The following MGAT5 variants were observed in gnomAD, a reference collection of about 807,000 sequenced individuals.
MGAT5 encodes alpha-1,6-mannosylglycoprotein 6-beta-N-acetylglucosaminyltransferase.
In MGAT5, 30 loss-of-function variants were observed where a neutral mutation model predicts 94.3. The observed-to-expected ratio is 0.32, with a 90% CI of 0.24 to 0.43. MGAT5 has a LOEUF of 0.43. MGAT5 is among the 20% of genes least tolerant of loss of function. MGAT5 has a pLI of 1.00. For missense variants in MGAT5, 691 were observed against 905.5 expected (o/e 0.76, Z 3.04); for synonymous variants, 310 against 322.9 (o/e 0.96, Z 0.43).
intron 12 of MGAT5, among the ~76,000 whole-genome samples, chr2:134,420,307 A>G (rs1396447509): frequency 6.6e-6 from 1 of 152,208 alleles, no homozygotes; most frequent in South Asian, 2.1e-4. Flanking sequence ...GTGCAGAGAA[A>G]AAAAAATGGA....
Position 134,450,576 on chromosome 2 carries a change from TG to T in MGAT5, c.*1730del, listed in dbSNP as rs2106454864. On this transcript the variant is annotated 3_prime_UTR_variant, in exon 16 of 16. Coordinates refer to ENST00000281923, the MANE Select transcript of MGAT5 (RefSeq NM_002410.5). ...AGATCCCTGCTCAGTGCGTCTCAAT[TG>T]TATCTCCAGTCTAAGAGGAGGGTGG... 1 of 152,158 alleles carries T rather than the reference TG, an allele frequency of 6.6e-6. No individual in the cohort carries two copies. Among genetic ancestry groups the T allele is most frequent in the African/African-American group, 2.4e-5 (1 of 41,460 alleles). The allele number at this position is 152,158 out of a possible 1,614,324, so 9.4% of individuals were successfully genotyped here. A position where few individuals can be genotyped will look rare whatever the true frequency, so the allele number is the denominator to read the frequency against.
intron 1 of MGAT5, among the ~76,000 whole-genome samples, chr2:134,246,004 G>A (rs562259599): frequency 6.6e-6 from 1 of 152,184 alleles, no homozygotes. Context: ...ATGTAAGAGG[G>A]GATGGGCTGT....
chr2:134,399,243 C>G (rs1682894762), intron 10 of MGAT5, among the ~76,000 whole-genome samples: 1 of 152,178 alleles, frequency 6.6e-6, no homozygotes, highest in Non-Finnish European at 1.5e-5. Context: ...TTCTGATTCT[C>G]TAGTTCTGCA....
At chr2:134,430,838 C>T (rs1684839530) in intron 14 of MGAT5, among the ~76,000 whole-genome samples, 1 of 152,170 alleles carries the variant, frequency 6.6e-6, no homozygotes, top group Admixed American at 6.5e-5. Flanking sequence ...GGTCCCCATC[C>T]CTACCCTCAA....
intron 1 of MGAT5, among the ~76,000 whole-genome samples, chr2:134,133,701 G>A (rs188903068): frequency 1.7e-4 from 26 of 152,328 alleles, no homozygotes; most frequent in African/African-American, 5.8e-4. Flanking sequence ...CACCGAATGA[G>A]AGGGGAGGAA....
At chr2:134,189,283 A>G (rs1689199928) in intron 1 of MGAT5, among the ~76,000 whole-genome samples, 1 of 152,186 alleles carries the variant, frequency 6.6e-6, no homozygotes, top group South Asian at 2.1e-4. Flanking sequence ...AGCCTGAGTC[A>G]TCTCATCTTA....
At chr2:134,188,616 T>C (rs1689163056) in intron 1 of MGAT5, among the ~76,000 whole-genome samples, 1 of 152,230 alleles carries the variant, frequency 6.6e-6, no homozygotes, top group East Asian at 1.9e-4. Context: ...TTGTGTTATT[T>C]GGACCTGAGT....
At chr2:134,331,466 G>C (rs12471826) in intron 4 of MGAT5, among the ~76,000 whole-genome samples, 1 of 152,094 alleles carries the variant, frequency 6.6e-6, no homozygotes, top group East Asian at 1.9e-4. Context: ...TGTTGTGTGC[G>C]TGTTGCCGTG....
intron 1 of MGAT5, among the ~76,000 whole-genome samples, chr2:134,159,563 G>A (rs1687636784): frequency 6.6e-6 from 1 of 152,154 alleles, no homozygotes; most frequent in African/African-American, 2.4e-5. Flanking sequence ...ATGAGGCTGG[G>A]CATGGTGGCT....
chr2:134,207,421 T>C (rs1680066556), intron 1 of MGAT5, among the ~76,000 whole-genome samples: 1 of 152,144 alleles, frequency 6.6e-6, no homozygotes, highest in Admixed American at 6.5e-5. Context: ...TAGTTAGGTC[T>C]TTCTCTCCAG....
intron 12 of MGAT5, among the ~76,000 whole-genome samples, chr2:134,413,657 T>A (rs1320888114): frequency 6.6e-6 from 1 of 152,236 alleles, no homozygotes; most frequent in African/African-American, 2.4e-5. Context: ...GTGATCAAGC[T>A]GGGTGTTTCT....
intron 11 of MGAT5, among the ~76,000 whole-genome samples, chr2:134,408,157 T>C (rs1461742235): frequency 6.6e-6 from 1 of 152,014 alleles, no homozygotes; most frequent in African/African-American, 2.4e-5. Flanking sequence ...GGCTGAGGGG[T>C]TGTCCTGGTG....
intron 10 of MGAT5, among the ~76,000 whole-genome samples, chr2:134,382,170 A>T (rs1681669981): frequency 6.6e-6 from 1 of 151,878 alleles, no homozygotes; most frequent in Non-Finnish European, 1.5e-5. Flanking sequence ...CAGGAGGGTC[A>T]CTTGAAGCCA....
In MGAT5 at chr2:134,388,489, T is replaced by G. The variant is rs148274673; in HGVS notation, c.1381-14499T>G. ...CTGAAAATAATTAACAGTAAATTTT[T>G]TAATATTGAAATATACAGGGTTCAG... On this transcript the variant is annotated intron_variant, in intron 10 of 15. Coordinates refer to ENST00000281923, the MANE Select transcript of MGAT5 (RefSeq NM_002410.5). Among the ~76,000 whole-genome samples, 33 of 152,342 alleles carry G rather than the reference T, an allele frequency of 2.2e-4. No individual in the cohort carries two copies. In the East Asian group the frequency reaches 6.0e-3, roughly 28 times the overall value.
chr2:134,342,329 G>C (rs1573863819), intron 7 of MGAT5, among the ~76,000 whole-genome samples: 1 of 152,084 alleles, frequency 6.6e-6, no homozygotes. Flanking sequence ...GGCTGAGCAG[G>C]GACGCTTCCA....
chr2:134,144,160 CA>C (rs1433010473), intron 1 of MGAT5, among the ~76,000 whole-genome samples: 2 of 152,104 alleles, frequency 1.3e-5, no homozygotes, highest in Middle Eastern at 3.2e-3. Context: ...TCTGTTCTTG[CA>C]CTGCTCTAAA....
intron 2 of MGAT5, among the ~76,000 whole-genome samples, chr2:134,306,972 C>G (rs1332507277): frequency 6.6e-6 from 1 of 152,116 alleles, no homozygotes; most frequent in East Asian, 1.9e-4. Flanking sequence ...GTTCCAGGAG[C>G]AGGCCTCTTC....
chr2:134,260,114 G>C (rs1001598253), intron 1 of MGAT5, among the ~76,000 whole-genome samples: 2 of 152,180 alleles, frequency 1.3e-5, no homozygotes, highest in Admixed American at 1.3e-4. Context: ...ACTGTAGCTA[G>C]AACGAAGCAA....
At chr2:134,124,741 A>G (rs1179637570) in intron 1 of MGAT5, among the ~76,000 whole-genome samples, 1 of 152,220 alleles carries the variant, frequency 6.6e-6, no homozygotes, top group African/African-American at 2.4e-5. Flanking sequence ...GTAAGAGTTA[A>G]CTACTGGTGC....
Sources: allele counts gnomAD v4.1 joint callset (sites outside exome capture counted in the v4.1 genomes callset), GRCh38; gene constraint gnomAD v4.1.1; transcripts MANE v1.5; gene names NCBI Gene and HGNC (gene_info 2026-07-23, HGNC 2026-07-21).